The following CSMD1 variants were observed in gnomAD, a reference collection of about 807,000 sequenced individuals.
The protein encoded by CSMD1 is CUB and Sushi multiple domains 1, also known as CUB and sushi domain-containing protein 1.
A neutral mutation model predicts 417.5 loss-of-function variants in CSMD1; 213 were observed. The observed-to-expected ratio is 0.51, with a 90% CI of 0.46 to 0.57. The LOEUF (loss-of-function observed/expected upper bound fraction) is 0.57, where lower values mean the gene tolerates loss of function less well. Among genes scored for constraint, CSMD1 ranks in the 20% least tolerant of loss-of-function variants. The pLI is 0.00. For synonymous variants in CSMD1, 2,862 were observed against 1,736.8 expected, an observed-to-expected ratio of 1.65 and a Z score of -16.11; for missense variants, 6,923 against 4,529.7, an observed-to-expected ratio of 1.53 and a Z score of -15.17.
At chr8:4,144,226 C>G (rs866072259) in intron 3 of CSMD1, among the ~76,000 whole-genome samples, 1 of 150,984 alleles carries the variant, frequency 6.6e-6, no homozygotes, top group Non-Finnish European at 1.5e-5. Context: ...TTCCTTGATT[C>G]AGCACAAACT....
chr8:2,956,535 G>C (rs924281862), intron 63 of CSMD1, among the ~76,000 whole-genome samples: 3 of 151,940 alleles, frequency 2.0e-5, no homozygotes, highest in African/African-American at 4.8e-5. Flanking sequence ...CTCGCTGCAA[G>C]CTCCTCCTCC....
intron 26 of CSMD1, among the ~76,000 whole-genome samples, chr8:3,262,464 G>C (rs774195353): frequency 6.6e-6 from 1 of 150,624 alleles, no homozygotes; most frequent in Non-Finnish European, 1.5e-5. Flanking sequence ...CTAAACCAAA[G>C]AAAGTGTCCT....
intron 25 of CSMD1, among the ~76,000 whole-genome samples, chr8:3,296,982 A>G (rs1458223447): frequency 1.3e-5 from 2 of 152,232 alleles, no homozygotes; most frequent in Non-Finnish European, 2.9e-5. Context: ...GAAATAGTTT[A>G]TAAACTATAG....
Position 4,366,370 on chromosome 8 carries a change from G to C in CSMD1, c.415+53583C>G, listed in dbSNP as rs116171583. Among the ~76,000 whole-genome samples the C allele has an allele frequency of 5.0e-3, 754 of 152,156 alleles. 7 individuals carry two copies. Among genetic ancestry groups the C allele is most frequent in the African/African-American group, 0.016 (684 of 41,510 alleles). ...GCTGATTCCACGTGTTTACCATTGA[G>C]AATAGCACTGCAATGAACATATGCA... On this transcript the variant is annotated intron_variant, in intron 3 of 69. Transcript: ENST00000635120.
chr8:4,388,061 T>A (rs1366741808), intron 3 of CSMD1, among the ~76,000 whole-genome samples: 5 of 152,134 alleles, frequency 3.3e-5, no homozygotes, highest in Non-Finnish European at 7.4e-5. Flanking sequence ...AATGTCCACC[T>A]CATTTGGACT....
intron 3 of CSMD1, among the ~76,000 whole-genome samples, chr8:4,040,232 C>A (rs185561692): frequency 1.3e-5 from 2 of 152,208 alleles, no homozygotes; most frequent in Non-Finnish European, 2.9e-5. Flanking sequence ...AGTAATTCCA[C>A]TTCATTATTT....
chr8:4,503,977 A>G (rs558294558), intron 2 of CSMD1, among the ~76,000 whole-genome samples: 2 of 151,798 alleles, frequency 1.3e-5, no homozygotes. Context: ...TTCAAAAAAA[A>G]AAAAAAAGAA....
chr8:3,476,517 C>G (rs745741408), intron 11 of CSMD1, among the ~76,000 whole-genome samples: 2 of 152,168 alleles, frequency 1.3e-5, no homozygotes, highest in Non-Finnish European at 2.9e-5. Context: ...ACCAACCTAT[C>G]TTCCAGAATG....
At chr8:3,945,644 G>C (rs17068124) in intron 5 of CSMD1, among the ~76,000 whole-genome samples, 1 of 152,032 alleles carries the variant, frequency 6.6e-6, no homozygotes, top group South Asian at 2.1e-4. Flanking sequence ...TATTAACTAA[G>C]CCTGATGTAT....
At chr8:3,458,966 A>G (rs1816323125) in intron 12 of CSMD1, among the ~76,000 whole-genome samples, 1 of 152,266 alleles carries the variant, frequency 6.6e-6, no homozygotes, top group South Asian at 2.1e-4. Flanking sequence ...TCCAGGAGAG[A>G]GGTGCAGCTC....
At chr8:3,538,111 T>A (rs559863310) in intron 10 of CSMD1, among the ~76,000 whole-genome samples, 167 of 152,374 alleles carry the variant, frequency 1.1e-3, no homozygotes, top group Non-Finnish European at 2.0e-3. Flanking sequence ...GTTTCAAGTT[T>A]ATAAACCAAA....
intron 52 of CSMD1, among the ~76,000 whole-genome samples, chr8:3,001,846 A>C (rs755292881): frequency 5.9e-5 from 9 of 152,226 alleles, no homozygotes; most frequent in Non-Finnish European, 1.0e-4. Flanking sequence ...CAGATTTGAG[A>C]AATTACAAAA....
chr8:4,194,659 A>C (rs1443310998), intron 3 of CSMD1, among the ~76,000 whole-genome samples: 1 of 152,178 alleles, frequency 6.6e-6, no homozygotes, highest in Non-Finnish European at 1.5e-5. Flanking sequence ...AAATAAAAAC[A>C]TTTAATAAAA....
chr8:4,573,549 T>A (rs1798989264), intron 2 of CSMD1, among the ~76,000 whole-genome samples: 1 of 152,054 alleles, frequency 6.6e-6, no homozygotes, highest in South Asian at 2.1e-4. Flanking sequence ...CTGTATGAGA[T>A]GTCTGTTGAT....
intron 1 of CSMD1, among the ~76,000 whole-genome samples, chr8:4,652,095 T>C (rs897526228): frequency 6.6e-6 from 1 of 152,166 alleles, no homozygotes; most frequent in Non-Finnish European, 1.5e-5. Flanking sequence ...AACACAATTT[T>C]TTTCCAATTA....
At chr8:3,989,937 G>C (rs1021320869) in intron 5 of CSMD1, among the ~76,000 whole-genome samples, 1 of 152,124 alleles carries the variant, frequency 6.6e-6, no homozygotes, top group African/African-American at 2.4e-5. Flanking sequence ...AGAAAAATTA[G>C]ATATTCATGG....
At chr8:4,405,323 CA>C (rs377135164) in intron 3 of CSMD1, among the ~76,000 whole-genome samples, 3,415 of 152,072 alleles carry the variant, frequency 0.022, 137 homozygotes, top group African/African-American at 0.077. Context: ...GTTTTTTTCT[CA>C]TTTTTTTTTT....
At chr8:3,136,006 T>C (rs563378165) in intron 41 of CSMD1, among the ~76,000 whole-genome samples, 3 of 152,228 alleles carry the variant, frequency 2.0e-5, no homozygotes, top group African/African-American at 4.8e-5. Flanking sequence ...AGCTGTCACC[T>C]TGCACTTCTT....
intron 1 of CSMD1, among the ~76,000 whole-genome samples, chr8:4,944,571 AAAATAAATACACAAGAAAT>A: frequency 6.6e-6 from 1 of 152,340 alleles, no homozygotes; most frequent in East Asian, 1.9e-4. Flanking sequence ...CTGAAGAGAC[AAAATAAATACACAAGAAAT>A]AAATTGAAAC....
Sources: gnomAD v4.1 joint callset for allele counts (sites outside exome capture counted in the v4.1 genomes callset) on GRCh38, gnomAD v4.1.1 for gene constraint, MANE v1.5 for transcripts, NCBI Gene and HGNC (gene_info 2026-07-23, HGNC 2026-07-21) for gene names.